Variants in USP9X observed in about 807,000 individuals in gnomAD.
The protein encoded by USP9X is ubiquitin carboxyl-terminal hydrolase 9X.
In USP9X, 7 loss-of-function variants were observed where a neutral mutation model predicts 190.3. The observed-to-expected ratio is 0.04, with a 90% CI of 0.02 to 0.07. USP9X has a LOEUF of 0.07. Among genes scored for constraint, USP9X ranks in the 10% least tolerant of loss-of-function variants. The pLI, the probability that USP9X is intolerant of heterozygous loss-of-function variation, is 1.00. For missense variants in USP9X, 1,010 were observed against 1,916.9 expected (o/e 0.53, Z 8.83); for synonymous variants, 645 against 659.5 (o/e 0.98, Z 0.34).
chrX:41,200,495 A>G (rs751893687), intron 30 of USP9X, among the ~76,000 whole-genome samples: 9 of 111,818 alleles, frequency 8.0e-5, no homozygotes, highest in Non-Finnish European at 1.7e-4. Context: ...GCTCCTCAAA[A>G]TAGCATTATA....
intron 14 of USP9X, among the ~76,000 whole-genome samples, chrX:41,159,052 CTTCTA>C (rs781544548): frequency 7.2e-5 from 8 of 111,314 alleles, no homozygotes; most frequent in Non-Finnish European, 1.3e-4. Flanking sequence ...ACTCCAACCA[CTTCTA>C]TTTAACATTC....
rs139093155 is a variant in USP9X, at chrX:41,089,903, G to GT, written c.-159+3822dup. Among the ~76,000 whole-genome samples, 79 of 30,350 alleles carry GT rather than the reference G, an allele frequency of 2.6e-3. 9 individuals carry two copies. The highest frequency in any genetic ancestry group is 0.02 in the East Asian group (18 of 889). The allele number at this position is 30,350 out of a possible 115,157, so 26.4% of individuals were successfully genotyped here. On this transcript the variant is annotated intron_variant, in intron 1 of 44. Coordinates refer to ENST00000378308, the MANE Select transcript of USP9X (RefSeq NM_001039591.3). ...CTATAGGAGTTTAGGATCTATGAGG[G>GT]TTTTTTTTTTTTTTTTTTTTTTTTT...
chrX:41,090,231 A>T (rs757416093), intron 1 of USP9X, among the ~76,000 whole-genome samples: 2 of 110,261 alleles, frequency 1.8e-5, no homozygotes, highest in Non-Finnish European at 3.8e-5. Context: ...AGTGTGACAC[A>T]AGATTCCCCA....
At chrX:41,092,607 C>T (rs928237904) in intron 1 of USP9X, among the ~76,000 whole-genome samples, 3 of 111,113 alleles carry the variant, frequency 2.7e-5, no homozygotes, top group East Asian at 5.6e-4. Context: ...AAATTGAGGA[C>T]ATTGGGTAAA....
intron 2 of USP9X, among the ~76,000 whole-genome samples, chrX:41,124,585 A>G (rs1042150174): frequency 8.9e-6 from 1 of 112,285 alleles, no homozygotes; most frequent in Middle Eastern, 4.6e-3. Flanking sequence ...GCCATGTGTC[A>G]ATTCTAAGGG....
In USP9X at chrX:41,085,834, C is replaced by T. The variant is rs1206584894; in HGVS notation, c.-434C>T. The T allele has an allele frequency of 1.0e-5, 3 of 297,549 alleles. No individual in the cohort carries two copies. Among genetic ancestry groups the T allele is most frequent in the Non-Finnish European group, 1.8e-5 (3 of 170,702 alleles). The allele number at this position is 297,549 out of a possible 1,213,427, so 24.5% of individuals were successfully genotyped here. Reference sequence around the variant, plus strand: ...GTCTGAGCTCAGCGAGAGCCCCAGCCTGAGGGGAGAAGGGGAAGAGGGCCG... The same window carrying T: ...GTCTGAGCTCAGCGAGAGCCCCAGCTTGAGGGGAGAAGGGGAAGAGGGCCG... On this transcript the variant is annotated 5_prime_UTR_variant, in exon 1 of 45. Transcript: ENST00000378308.
intron 36 of USP9X, 34 bp from the exon 37 acceptor site, chrX:41,218,338 C>T (rs779567391): frequency 3.6e-5 from 42 of 1,181,219 alleles, no homozygotes; most frequent in Non-Finnish European, 4.8e-5. Flanking sequence ...AAGTTATTGA[C>T]TTAATAGTCA....
intron 1 of USP9X, among the ~76,000 whole-genome samples, chrX:41,101,890 G>GA (rs2062036914): frequency 8.9e-6 from 1 of 111,831 alleles, no homozygotes; most frequent in Admixed American, 9.5e-5. Flanking sequence ...GATGAACTTT[G>GA]AAAATGTTAT....
intron 1 of USP9X, among the ~76,000 whole-genome samples, chrX:41,095,969 T>C (rs2061987968): frequency 8.9e-6 from 1 of 111,815 alleles, no homozygotes; most frequent in South Asian, 3.7e-4. Context: ...TAATTTGAGT[T>C]TGGCTTTTCT....
intron 1 of USP9X, among the ~76,000 whole-genome samples, chrX:41,105,366 G>A (rs1475609529): frequency 8.9e-6 from 1 of 111,908 alleles, no homozygotes; most frequent in African/African-American, 3.3e-5. Flanking sequence ...TTGTGAATTT[G>A]ACGACTCCAG....
chrX:41,214,506 A>G (rs2063194733), intron 33 of USP9X, 62 bp from the exon 34 acceptor site: 3 of 1,035,801 alleles, frequency 2.9e-6, no homozygotes. Flanking sequence ...AGTTTACATT[A>G]AGTCCATAAC....
Position 41,229,712 on chromosome X carries a change from A to G in USP9X, c.7364A>G (p.Tyr2455Cys). The G allele has an allele frequency of 8.3e-7, 1 of 1,211,878 alleles. No individual in the cohort carries two copies. The highest frequency in any genetic ancestry group is 1.1e-6 in the Non-Finnish European group (1 of 895,593). Residue 2455 changes from tyrosine (Y) to cysteine (C), a missense_variant, in exon 43 of 45, where the codon TAT becomes TGT. This residue lies in a region of USP9X where 20 missense variants were observed against 59.3 expected (regional missense o/e 0.34). Transcript: ENST00000378308. ...PVQSNETSNG[Y>C]FLERSHSARM... is the part of the protein sequence containing the mutation. ...CAAAGCAATGAAACGTCCAATGGTT[A>G]TTTCTTGGAGAGATCACATAGTGCT...
intron 24 of USP9X, 52 bp from the exon 25 acceptor site, chrX:41,187,940 C>A: frequency 4.6e-6 from 5 of 1,078,793 alleles, no homozygotes; most frequent in Admixed American, 2.5e-5. Context: ...TTTTTCTAAA[C>A]ATAATTTCAC....
At chrX:41,151,161 G>A in intron 13 of USP9X, 104 bp downstream of exon 13, 1 of 797,202 alleles carries the variant, frequency 1.3e-6, no homozygotes, top group East Asian at 3.6e-5. Context: ...AATTAGTGGA[G>A]TGAGAAGAGG....
At chrX:41,223,180 C>T in intron 38 of USP9X, 37 bp from the exon 39 acceptor site, 2 of 1,174,466 alleles carry the variant, frequency 1.7e-6, no homozygotes, top group Non-Finnish European at 2.3e-6. Flanking sequence ...ATTTTTCTCC[C>T]TCTCTTTCTT....
At chrX:41,192,318 A>G (rs1291559342) in intron 26 of USP9X, among the ~76,000 whole-genome samples, 1 of 112,317 alleles carries the variant, frequency 8.9e-6, no homozygotes, top group Non-Finnish European at 1.9e-5. Flanking sequence ...AATCTAGGAA[A>G]GGTTTCCTAG....
chrX:41,127,067 G>A (rs2062262122), intron 2 of USP9X, among the ~76,000 whole-genome samples: 1 of 111,157 alleles, frequency 9.0e-6, no homozygotes, highest in South Asian at 3.7e-4. Context: ...GTATTTGTCA[G>A]TGGCCTTCAA....
chrX:41,197,743 C>A (rs1418590367), intron 29 of USP9X, among the ~76,000 whole-genome samples: 1 of 111,288 alleles, frequency 9.0e-6, no homozygotes, highest in East Asian at 2.8e-4. Flanking sequence ...GACTTGCTGG[C>A]CTCATGCCTG....
chrX:41,117,816 C>T (rs2062162029), intron 1 of USP9X, among the ~76,000 whole-genome samples: 1 of 109,305 alleles, frequency 9.1e-6, no homozygotes, highest in Non-Finnish European at 1.9e-5. Context: ...ACCTTGGCCT[C>T]CAGAAGTGCT....
Sources: gnomAD v4.1 joint callset for allele counts (sites outside exome capture counted in the v4.1 genomes callset) on GRCh38, gnomAD v4.1.1 for gene constraint, gnomAD v4.1.1 regional missense constraint, MANE v1.5 for transcripts, NCBI Gene and HGNC (gene_info 2026-07-23, HGNC 2026-07-21) for gene names.